ADGRB3: variants seen among roughly 807,000 people sequenced by gnomAD.
ADGRB3 encodes adhesion G protein-coupled receptor B3.
A neutral mutation model predicts 193.4 loss-of-function variants in ADGRB3; 37 were observed. That is an observed-to-expected ratio of 0.19 (90% CI 0.15 to 0.25). The LOEUF (loss-of-function observed/expected upper bound fraction) is 0.25. Ranked by LOEUF, ADGRB3 falls within the 10% of genes least tolerant of loss-of-function variation. The pLI is 1.00. For synonymous variants in ADGRB3, 690 were observed against 644.2 expected (o/e 1.07, Z -1.08); for missense variants, 1,637 against 1,852.9 (o/e 0.88, Z 2.14).
chr6:68,748,035 C>T (rs560006215), intron 3 of ADGRB3, among the ~76,000 whole-genome samples: 64 of 152,202 alleles, frequency 4.2e-4, no homozygotes, highest in Admixed American at 2.6e-4. Flanking sequence ...TTCACTATCA[C>T]GAGAATAGCA....
At chr6:69,298,964 C>T (rs1410720582) in intron 20 of ADGRB3, among the ~76,000 whole-genome samples, 1 of 151,906 alleles carries the variant, frequency 6.6e-6, no homozygotes, top group African/African-American at 2.4e-5. Flanking sequence ...CCATACTGTT[C>T]TCCACAGTGG....
Position 69,368,013 on chromosome 6 carries a change from G to T in ADGRB3, c.4240-4393G>T, listed in dbSNP as rs868255166. Among the ~76,000 whole-genome samples the T allele has an allele frequency of 3.9e-3, 427 of 108,658 alleles. 2 individuals carry two copies. The highest frequency in any genetic ancestry group is 0.013 in the African/African-American group (380 of 28,244). The allele number at this position is 108,658 out of a possible 152,430, so 71.3% of individuals were successfully genotyped here. Reference sequence around the variant, plus strand: ...ACTGTGGTGGGGTGGGGGGAGGGGGGAGGGACAGCATTGGGAGATATACCT... The same window carrying T: ...ACTGTGGTGGGGTGGGGGGAGGGGGTAGGGACAGCATTGGGAGATATACCT... On this transcript the variant is annotated intron_variant, in intron 29 of 31. Coordinates refer to ENST00000370598, the MANE Select transcript of ADGRB3 (RefSeq NM_001704.3).
At chr6:69,304,090 G>A (rs1442139031) in intron 20 of ADGRB3, among the ~76,000 whole-genome samples, 2 of 150,696 alleles carry the variant, frequency 1.3e-5, no homozygotes, top group South Asian at 4.2e-4. Context: ...AAATACAAGG[G>A]TTTTTTTTAA....
intron 17 of ADGRB3, among the ~76,000 whole-genome samples, chr6:69,116,238 A>T (rs1165086885): frequency 6.6e-6 from 1 of 152,196 alleles, no homozygotes; most frequent in African/African-American, 2.4e-5. Flanking sequence ...CTGCCTATAA[A>T]TGTTAACCAC....
chr6:68,692,031 G>A (rs1765085491), intron 3 of ADGRB3, among the ~76,000 whole-genome samples: 1 of 151,704 alleles, frequency 6.6e-6, no homozygotes, highest in African/African-American at 2.4e-5. Flanking sequence ...ATGGCCATGT[G>A]TACACATTTT....
chr6:68,660,357 C>T (rs1768598636), intron 3 of ADGRB3, among the ~76,000 whole-genome samples: 3 of 147,328 alleles, frequency 2.0e-5, no homozygotes. Flanking sequence ...TATGTTGATA[C>T]TTTGGGATAC....
At chr6:68,691,957 A>T (rs1765084431) in intron 3 of ADGRB3, among the ~76,000 whole-genome samples, 1 of 151,732 alleles carries the variant, frequency 6.6e-6, no homozygotes, top group African/African-American at 2.4e-5. Context: ...GGTACTAATG[A>T]AATCAGTGAA....
chr6:68,940,476 G>T (rs916120771), intron 5 of ADGRB3, among the ~76,000 whole-genome samples: 2 of 148,110 alleles, frequency 1.4e-5, no homozygotes, highest in Non-Finnish European at 3.0e-5. Flanking sequence ...CTGGCTGAGA[G>T]CCACTGGTGT....
intron 22 of ADGRB3, among the ~76,000 whole-genome samples, chr6:69,330,214 G>A (rs1768684991): frequency 6.6e-6 from 1 of 152,126 alleles, no homozygotes; most frequent in East Asian, 1.9e-4. Context: ...TGTAATGACA[G>A]TAAATATAGA....
intron 3 of ADGRB3, among the ~76,000 whole-genome samples, chr6:68,851,879 T>C (rs1014754146): frequency 5.9e-5 from 9 of 151,840 alleles, no homozygotes; most frequent in African/African-American, 1.9e-4. Context: ...ACTAAAGATA[T>C]AGATTTCACG....
chr6:69,001,516 G>A (rs1430579578), intron 11 of ADGRB3, among the ~76,000 whole-genome samples: 4 of 152,112 alleles, frequency 2.6e-5, no homozygotes, highest in African/African-American at 9.7e-5. Flanking sequence ...GGGGAAGGAG[G>A]GGGAATAAGC....
chr6:68,925,187 T>A (rs1767146747), intron 3 of ADGRB3, among the ~76,000 whole-genome samples: 1 of 151,972 alleles, frequency 6.6e-6, no homozygotes, highest in Admixed American at 6.6e-5. Flanking sequence ...AATACAATTT[T>A]TAAATCTGAT....
chr6:69,119,541 A>G (rs983354039), intron 17 of ADGRB3, among the ~76,000 whole-genome samples: 1 of 152,242 alleles, frequency 6.6e-6, no homozygotes, highest in African/African-American at 2.4e-5. Context: ...CATAACACTC[A>G]CTGAGATGGG....
At chr6:68,895,377 G>C (rs565259362) in intron 3 of ADGRB3, among the ~76,000 whole-genome samples, 1 of 151,810 alleles carries the variant, frequency 6.6e-6, no homozygotes, top group Admixed American at 6.6e-5. Context: ...TAGTGTACAG[G>C]ATTTTGCAAA....
Position 68,899,603 on chromosome 6 carries a change from C to T in ADGRB3, c.758-30956C>T, listed in dbSNP as rs565147921. Among the ~76,000 whole-genome samples the T allele has an allele frequency of 3.6e-4, 54 of 152,018 alleles. 1 individual carries two copies. The highest frequency in any genetic ancestry group is 1.3e-3 in the Admixed American group (20 of 15,258). On this transcript the variant is annotated intron_variant, in intron 3 of 31. Transcript: ENST00000370598. ...TATGTTTTCCAATTTCATCCATGTC[C>T]CTACAAAAGACATGAACTCATCATT...
At chr6:69,300,105 T>TA (rs991660983) in intron 20 of ADGRB3, among the ~76,000 whole-genome samples, 2 of 151,860 alleles carry the variant, frequency 1.3e-5, no homozygotes, top group South Asian at 2.1e-4. Context: ...AACAACACAT[T>TA]AAAAAATGAT....
rs199611349 is a variant in ADGRB3, at chr6:69,060,220, T to C, written c.2334-2714T>C. Among the ~76,000 whole-genome samples the C allele has an allele frequency of 9.9e-3, 1,285 of 129,308 alleles. 1 individual carries two copies. The highest frequency in any genetic ancestry group is 0.011 in the African/African-American group (368 of 32,074). 84.8% of individuals were successfully genotyped at this position (129,308 alleles called of 152,430 possible). A position where few individuals can be genotyped will look rare whatever the true frequency, so the allele number is the denominator to read the frequency against. ...TCTCTTTCTCTGTCTCTCTCTCTCT[T>C]TCTCTCTCTCTCTCTCTCTCTCTCT... On this transcript the variant is annotated intron_variant, in intron 15 of 31. Coordinates refer to ENST00000370598, the MANE Select transcript of ADGRB3 (RefSeq NM_001704.3).
intron 17 of ADGRB3, among the ~76,000 whole-genome samples, chr6:69,139,130 G>C (rs965175299): frequency 6.6e-6 from 1 of 152,178 alleles, no homozygotes; most frequent in African/African-American, 2.4e-5. Context: ...CCAGGTACCT[G>C]GTCGCACTTG....
chr6:68,928,532 G>T (rs1767246970), intron 3 of ADGRB3, among the ~76,000 whole-genome samples: 1 of 151,974 alleles, frequency 6.6e-6, no homozygotes, highest in Non-Finnish European at 1.5e-5. Context: ...AAGACCCACG[G>T]ACATACTCAG....
Sources: gnomAD v4.1 joint callset for allele counts (sites outside exome capture counted in the v4.1 genomes callset) on GRCh38, gnomAD v4.1.1 for gene constraint, MANE v1.5 for transcripts, NCBI Gene and HGNC (gene_info 2026-07-23, HGNC 2026-07-21) for gene names.